Variants in COPS2 observed in about 807,000 individuals in gnomAD.
COPS2 encodes the protein COP9 signalosome complex subunit 2.
COPS2 carries 10 observed loss-of-function variants against 66.1 expected under a neutral mutation model. The observed-to-expected ratio is 0.15, with a 90% confidence interval of 0.09 to 0.26. COPS2 has a LOEUF of 0.26. Among genes scored for constraint, COPS2 ranks in the 10% least tolerant of loss-of-function variants. The pLI is 1.00. For missense variants in COPS2, 215 were observed against 513.3 expected (o/e 0.42, Z 5.62); for synonymous variants, 179 against 171.3 (o/e 1.04, Z -0.35).
In COPS2 at chr15:49,152,436, C is replaced by T. The variant is rs188045532; in HGVS notation, c.54+3089G>A. ...GGGGAGGAAGAGCTATTTAATAGAA[C>T]GCTAGGGAAAGAAAAACAAAAAACC... On this transcript the variant is annotated intron_variant, in intron 1 of 12. Transcript: ENST00000388901. Among the ~76,000 whole-genome samples, 22 of 151,690 alleles carry T rather than the reference C, an allele frequency of 1.5e-4. No individual in the cohort carries two copies. In the East Asian group the frequency reaches 2.3e-3, roughly 16 times the overall value.
intron 1 of COPS2, among the ~76,000 whole-genome samples, chr15:49,150,880 C>G (rs1179325457): frequency 6.6e-6 from 1 of 151,998 alleles, no homozygotes; most frequent in Non-Finnish European, 1.5e-5. Context: ...ATATAACTAA[C>G]CTGCACATGT....
chr15:49,133,526 G>A (rs1227524068), intron 9 of COPS2, among the ~76,000 whole-genome samples: 1 of 150,676 alleles, frequency 6.6e-6, no homozygotes, highest in African/African-American at 2.4e-5. Context: ...TGCGCAGACA[G>A]ACAGACACAC....
intron 3 of COPS2, 62 bp downstream of exon 3, chr15:49,144,165 G>A (rs982254208): frequency 2.1e-5 from 21 of 1,011,368 alleles, no homozygotes; most frequent in Non-Finnish European, 3.1e-6. Context: ...ATAGTACTTT[G>A]TCGTGATGAG....
At position 49,127,899 on chromosome 15, in the gene COPS2, T is replaced by C. The variant is rs754291215; in HGVS notation, c.*51A>G. On this transcript the variant is annotated 3_prime_UTR_variant, in exon 13 of 13. Coordinates refer to ENST00000388901, the MANE Select transcript of COPS2 (RefSeq NM_004236.4). Reference sequence around the variant, plus strand: ...TTGCCATTCCCAGTTCTTTTAAGGATTACATCTCTGCACTGTTGCCTTAAG... The same window carrying C: ...TTGCCATTCCCAGTTCTTTTAAGGACTACATCTCTGCACTGTTGCCTTAAG... The C allele has an allele frequency of 6.4e-7, 1 of 1,574,618 alleles. No individual in the cohort carries two copies. The highest frequency in any genetic ancestry group is 1.4e-5 in the African/African-American group (1 of 73,620).
Position 49,134,458 on chromosome 15 carries a change from A to G in COPS2, c.597T>C (p.Ala199=), listed in dbSNP as rs769384593. Residue 199 remains alanine, a synonymous_variant, in exon 7 of 13, where the codon GCT becomes GCC. Coordinates refer to ENST00000388901, the MANE Select transcript of COPS2 (RefSeq NM_004236.4). ...GTGCTGTGTACATTTGAATTTCCAA[A>G]GCATATATTTCTAATAACTGTGTAC... ...KKGTQLLEIY[A]LEIQMYTAQK... is the part of the protein sequence containing the mutation. 1.2e-6 allele frequency: 2 copies of G among 1,612,598 alleles called. No homozygotes were observed. The highest frequency in any genetic ancestry group is 1.7e-6 in the Non-Finnish European group (2 of 1,179,674).
chr15:49,137,451 T>C lies in COPS2; in HGVS notation c.373-14A>G. Reference sequence around the variant, plus strand: ...CAGTAAATCCATCTGACATAAAAAATCAGAATTCTATAATTGTAAACAGCA... The same window carrying C: ...CAGTAAATCCATCTGACATAAAAAACCAGAATTCTATAATTGTAAACAGCA... On this transcript the variant is annotated splice_polypyrimidine_tract_variant and intron_variant, in intron 4 of 12. Transcript: ENST00000388901. 1 of 1,593,868 alleles carries C rather than the reference T, an allele frequency of 6.3e-7. No individual in the cohort carries two copies. The highest frequency in any genetic ancestry group is 8.6e-7 in the Non-Finnish European group (1 of 1,164,872).
chr15:49,152,077 G>C (rs1028032185), intron 1 of COPS2, among the ~76,000 whole-genome samples: 7 of 150,128 alleles, frequency 4.7e-5, no homozygotes, highest in Admixed American at 4.6e-4. Flanking sequence ...ACTAAAACGA[G>C]GTGATGATCA....
At position 49,139,511 on chromosome 15, in the gene COPS2, G is replaced by A. The variant is rs377037247; in HGVS notation, c.372+17C>T. 1.8e-5 allele frequency: 29 copies of A among 1,575,648 alleles called. No individual in the cohort carries two copies. Among genetic ancestry groups the A allele is most frequent in the Admixed American group, 6.9e-5 (4 of 57,734 alleles). ...TAAACACACTGATCGTCCCAAGAGG[G>A]GAAAATTGAGTCTAACCTGTTTAGA... On this transcript the variant is annotated intron_variant, in intron 4 of 12. Coordinates refer to ENST00000388901, the MANE Select transcript of COPS2 (RefSeq NM_004236.4).
At chr15:49,140,762 T>TA (rs1320026487) in intron 3 of COPS2, among the ~76,000 whole-genome samples, 10 of 152,236 alleles carry the variant, frequency 6.6e-5, no homozygotes, top group East Asian at 5.8e-4. Flanking sequence ...TTTTTTTTTT[T>TA]ATCAAAGACA....
rs140886715 is a variant in COPS2 at position 49,131,683 on chromosome 15, G to A, written c.948-867C>T. On this transcript the variant is annotated intron_variant, in intron 9 of 12. Transcript: ENST00000388901. ...CAACTGACTAGGAAGACAAAATTAG[G>A]AAGCATTACTTTCTTACCTACCCCA... Among the ~76,000 whole-genome samples, 714 of 152,024 alleles carry A rather than the reference G, an allele frequency of 4.7e-3. 4 individuals are homozygous for A. Among genetic ancestry groups the A allele is most frequent in the Non-Finnish European group, 7.3e-3 (493 of 67,982 alleles).
At chr15:49,139,302 C>T (rs2084274694) in intron 4 of COPS2, 3 of 392,234 alleles carry the variant, frequency 7.6e-6, no homozygotes, top group Non-Finnish European at 1.4e-5. Flanking sequence ...CAGATTTTAG[C>T]ATCTGAAGGC....
In COPS2 at chr15:49,134,320, CCT is replaced by C; in HGVS notation, c.715+18_715+19del. On this transcript the variant is annotated intron_variant, in intron 7 of 12. Transcript: ENST00000388901. ...GATATCTCCCCATGCCACTGCCCAC[CCT>C]CTCCAAACCAAACTTGCCTCTGATA... 1 of 1,609,440 alleles carries C rather than the reference CCT, an allele frequency of 6.2e-7. No individual in the cohort carries two copies. The highest frequency in any genetic ancestry group is 8.5e-7 in the Non-Finnish European group (1 of 1,178,000).
chr15:49,143,259 G>A (rs1333861516), intron 3 of COPS2, among the ~76,000 whole-genome samples: 2 of 152,156 alleles, frequency 1.3e-5, no homozygotes, highest in Non-Finnish European at 2.9e-5. Flanking sequence ...GCTTACATAG[G>A]GATCTGTAGG....
chr15:49,150,373 G>A (rs770482050), intron 1 of COPS2, among the ~76,000 whole-genome samples: 6 of 151,574 alleles, frequency 4.0e-5, no homozygotes, highest in African/African-American at 7.3e-5. Flanking sequence ...GGATTATACC[G>A]TCTTTGATAT....
intron 3 of COPS2, among the ~76,000 whole-genome samples, chr15:49,143,970 A>G (rs2084305204): frequency 7.4e-6 from 1 of 135,360 alleles, no homozygotes; most frequent in Admixed American, 7.2e-5. Context: ...TGGGTGACAG[A>G]GCGGGGGAAA....
At chr15:49,144,043 C>A (rs1303491496) in intron 3 of COPS2, among the ~76,000 whole-genome samples, 184 bp downstream of exon 3, 2 of 151,054 alleles carry the variant, frequency 1.3e-5, no homozygotes, top group Non-Finnish European at 2.9e-5. Flanking sequence ...TAGAAAACTT[C>A]TGTATCCTAT....
At chr15:49,138,914 T>A (rs907064256) in intron 4 of COPS2, among the ~76,000 whole-genome samples, 27 of 152,288 alleles carry the variant, frequency 1.8e-4, no homozygotes, top group African/African-American at 5.8e-4. Flanking sequence ...GGACAAATGA[T>A]CCAATTAAAA....
In COPS2 at chr15:49,134,125, A is replaced by G. The variant is rs776048322; in HGVS notation, c.716-17T>C. 3 of 1,589,992 alleles carry G rather than the reference A, an allele frequency of 1.9e-6. No individual in the cohort carries two copies. The highest frequency in any genetic ancestry group is 1.8e-5 in the Admixed American group (1 of 54,924). ...CACCACATTCTGTGAAGAATAAGAC[A>G]TGAGAAAATAGGACATTTTCAGTTC... On this transcript the variant is annotated splice_polypyrimidine_tract_variant and intron_variant, in intron 7 of 12. Coordinates refer to ENST00000388901, the MANE Select transcript of COPS2 (RefSeq NM_004236.4).
intron 6 of COPS2, among the ~76,000 whole-genome samples, chr15:49,135,350 T>C (rs575536847): frequency 3.9e-5 from 6 of 152,252 alleles, no homozygotes; most frequent in African/African-American, 1.4e-4. Flanking sequence ...CTAAGTCCCT[T>C]CCACATGCCA....
Sources: allele counts gnomAD v4.1 joint callset (sites outside exome capture counted in the v4.1 genomes callset), GRCh38; gene constraint gnomAD v4.1.1; transcripts MANE v1.5; gene names NCBI Gene and HGNC (gene_info 2026-07-23, HGNC 2026-07-21).